SETX: variants seen among roughly 807,000 people sequenced by gnomAD.
SETX encodes senataxin, also known as helicase senataxin.
Under a neutral mutation model 227.2 loss-of-function variants are expected in SETX, and 90 were observed. The observed-to-expected ratio is 0.40, with a 90% CI of 0.33 to 0.47. The LOEUF is 0.47. Among genes scored for constraint, SETX ranks in the 20% least tolerant of loss-of-function variants. The pLI, the probability that SETX is intolerant of heterozygous loss-of-function variation, is 0.91. For missense variants in SETX, 3,052 were observed against 3,181.5 expected (o/e 0.96, Z 0.98); for synonymous variants, 1,210 against 1,113.2 (o/e 1.09, Z -1.73).
Position 132,288,332 on chromosome 9 carries a change from ATGAG to A in SETX, c.6224_6227del (p.Ser2075LeufsTer12). ...CCTTTCTTTTATGCATCGCCTGAAC[ATGAG>A]AAGGTAACTCTTTTTCTAATAAAAA... On this transcript the variant is annotated frameshift_variant, in exon 17 of 26. Transcript: ENST00000224140. LOFTEE classifies it high-confidence loss of function. 1 of 1,613,518 alleles carries A rather than the reference ATGAG, an allele frequency of 6.2e-7. No individual in the cohort carries two copies. The highest frequency in any genetic ancestry group is 8.5e-7 in the Non-Finnish European group (1 of 1,179,410).
Position 132,291,983 on chromosome 9 carries a change from TAATC to T in SETX, c.6107-3336_6107-3333del, listed in dbSNP as rs1213613010. ...TGATTTTAATTAAAATATAAACTAT[TAATC>T]AAGTGATTTAATTAAATTTAATTCC... On this transcript the variant is annotated intron_variant, in intron 15 of 25. Coordinates refer to ENST00000224140, the MANE Select transcript of SETX (RefSeq NM_015046.7). Among the ~76,000 whole-genome samples, 3 of 152,298 alleles carry T rather than the reference TAATC, an allele frequency of 2.0e-5. No individual in the cohort carries two copies. The East Asian group carries it at 5.8e-4, about 29-fold the overall frequency.
At chr9:132,273,502 A>G (rs1015899476) in intron 23 of SETX, among the ~76,000 whole-genome samples, 1 of 152,210 alleles carries the variant, frequency 6.6e-6, no homozygotes, top group Non-Finnish European at 1.5e-5. Flanking sequence ...AACGTTTTGC[A>G]GTTTTCAGCG....
intron 20 of SETX, 115 bp downstream of exon 20, chr9:132,281,352 T>C (rs1266084682): frequency 1.4e-6 from 1 of 735,978 alleles, no homozygotes; most frequent in South Asian, 1.5e-5. Context: ...TAGTTACTGC[T>C]TACTTTTCCC....
At chr9:132,305,125 C>T (rs1056403341) in intron 11 of SETX, among the ~76,000 whole-genome samples, 12 of 151,994 alleles carry the variant, frequency 7.9e-5, no homozygotes, top group East Asian at 3.9e-4. Flanking sequence ...GAGGCCGAGG[C>T]GGGCGGATCA....
At chr9:132,309,010 C>T (rs1845493468) in intron 11 of SETX, among the ~76,000 whole-genome samples, 1 of 152,068 alleles carries the variant, frequency 6.6e-6, no homozygotes, top group Non-Finnish European at 1.5e-5. Flanking sequence ...TAGTGGTGCA[C>T]ACCTGTAGTC....
rs747582934 is a variant in SETX, at chr9:132,298,202, G to C, written c.5659C>G (p.Gln1887Glu). 2 of 1,613,986 alleles carry C rather than the reference G, an allele frequency of 1.2e-6. No individual in the cohort carries two copies. The highest frequency in any genetic ancestry group is 1.7e-6 in the Non-Finnish European group (2 of 1,179,958). The change falls in exon 13 of 26, where the codon CAA becomes GAA. Residue 1887 changes from glutamine to glutamate, a missense_variant. Gln to Glu is a conservative substitution (Grantham distance 29, BLOSUM62 2). This residue lies in a region of SETX where 239 missense variants were observed against 272.1 expected (regional missense o/e 0.88). Transcript: ENST00000224140. ...AGAGACATGGCTTTCAACTTCCTTT[G>C]TGTAGTTACCAGAGAACTGATTACA... ...CIVISSLVTT[Q>E]RKLKAMSLLG...
chr9:132,288,205 C>T (rs1793684740), intron 17 of SETX, 31 bp downstream of exon 17: 1 of 1,566,922 alleles, frequency 6.4e-7, no homozygotes, highest in African/African-American at 1.3e-5. Context: ...GTTCGTATAC[C>T]TGAGTTATTA....
At chr9:132,345,468 T>A (rs1848232217) in intron 4 of SETX, among the ~76,000 whole-genome samples, 3 of 152,050 alleles carry the variant, frequency 2.0e-5, no homozygotes, top group Admixed American at 1.3e-4. Context: ...GAGACAGGGT[T>A]TCACTATGTT....
Position 132,327,376 on chromosome 9 carries a change from T to G in SETX, c.4222A>C (p.Ser1408Arg), listed in dbSNP as rs1048817192. 1 of 1,614,268 alleles carries G rather than the reference T, an allele frequency of 6.2e-7. No individual in the cohort carries two copies. The highest frequency in any genetic ancestry group is 1.7e-5 in the Admixed American group (1 of 60,032). ...CTGGTEVLAN[S>R]NRKQLIKCMP... ...CATTTTATTAACTGTTTTCTGTTAC[T>G]GTTGGCAAGTACCTCAGTTCCTCCT... is the stretch of plus-strand genomic sequence containing the variant. The change falls in exon 10 of 26, where the codon AGT becomes CGT. Residue 1408 changes from serine to arginine, a missense_variant. Coordinates refer to ENST00000224140, the MANE Select transcript of SETX (RefSeq NM_015046.7).
chr9:132,282,799 T>TG, intron 19 of SETX: 2 of 162,406 alleles, frequency 1.2e-5, no homozygotes, highest in South Asian at 3.2e-4. Context: ...TTGGGTCTCC[T>TG]GATCACTCAA....
chr9:132,284,550 G>T (rs575214339), intron 18 of SETX, among the ~76,000 whole-genome samples: 1 of 152,120 alleles, frequency 6.6e-6, no homozygotes, highest in African/African-American at 2.4e-5. Flanking sequence ...GACAATCAGG[G>T]TATACACCTG....
intron 2 of SETX, among the ~76,000 whole-genome samples, chr9:132,352,643 G>A (rs1848662186): frequency 6.6e-6 from 1 of 152,110 alleles, no homozygotes; most frequent in African/African-American, 2.4e-5. Flanking sequence ...CGCAGCTACT[G>A]GGGAGGTTGA....
Position 132,326,747 on chromosome 9 carries a change from A to G in SETX, c.4851T>C (p.Ser1617=). Residue 1617 remains serine (S), a synonymous_variant, in exon 10 of 26, where the codon TCT becomes TCC. Transcript: ENST00000224140. The part of the protein sequence containing the change: ...IAGLSKSLET[S]SALSPSLKNK... Reference sequence around the variant, plus strand: ...TTTTTAGAGACGGTGAAAGTGCTGAAGAAGTTTCCAAAGATTTAGAAAGAC... The same window carrying G: ...TTTTTAGAGACGGTGAAAGTGCTGAGGAAGTTTCCAAAGATTTAGAAAGAC... 1 of 1,614,240 alleles carries G rather than the reference A, an allele frequency of 6.2e-7. No homozygotes were observed.
chr9:132,305,041 T>C (rs972940798), intron 11 of SETX, among the ~76,000 whole-genome samples: 2 of 149,884 alleles, frequency 1.3e-5, no homozygotes, highest in African/African-American at 4.9e-5. Flanking sequence ...ATTAGCTACT[T>C]ATTTGGGGAT....
chr9:132,320,008 G>T (rs1002988257), intron 10 of SETX, among the ~76,000 whole-genome samples: 1 of 152,008 alleles, frequency 6.6e-6, no homozygotes. Flanking sequence ...TGCCACAACT[G>T]ACTGCAAAAA....
At chr9:132,355,989 GAAAAAAA>G (rs1213549776), upstream of SETX, among the ~76,000 whole-genome samples, 32 of 85,168 alleles carry the variant, frequency 3.8e-4, no homozygotes, top group East Asian at 3.4e-3. Flanking sequence ...TCTCTCTCCG[GAAAAAAA>G]AAAAAAAAAA....
Position 132,328,045 on chromosome 9 carries a change from G to A in SETX, c.3553C>T (p.Gln1185Ter). ...RPSSSVRNEG[Q>*]SDTNKRDLVG... is the part of the protein sequence containing the mutation. ...AGATCTCTCTTATTAGTATCAGACT[G>A]GCCCTCATTTCTGACAGAAGATGAA... The change falls in exon 10 of 26, where the codon CAG becomes TAG. Residue 1185 changes from glutamine (Q) to a stop codon, truncating the protein, a stop_gained. Transcript: ENST00000224140. LOFTEE classifies it high-confidence loss of function. 6.2e-7 allele frequency: 1 copy of A among 1,614,098 alleles called. No individual in the cohort carries two copies. Among genetic ancestry groups the A allele is most frequent in the Non-Finnish European group, 8.5e-7 (1 of 1,180,026 alleles).
At position 132,329,478 on chromosome 9, in the gene SETX, A is replaced by C; in HGVS notation, c.2120T>G (p.Ile707Arg). 6.2e-7 allele frequency: 1 copy of C among 1,612,448 alleles called. No individual in the cohort carries two copies. The highest frequency in any genetic ancestry group is 8.5e-7 in the Non-Finnish European group (1 of 1,179,848). The change falls in exon 10 of 26, where the codon ATA (isoleucine) becomes AGA (arginine). Residue 707 changes from isoleucine (I) to arginine (R), a missense_variant. Ile to Arg is a moderately conservative substitution (Grantham distance 97). Coordinates refer to ENST00000224140, the MANE Select transcript of SETX (RefSeq NM_015046.7). ...TACAGACTTCTGCTTCCTTGTACTT[A>C]TTTTAATTTGATCTTCAGCTCTTTC... ...FTERAEDQIK[I>R]STRKQKSVKE...
chr9:132,287,854 T>TC (rs1844014479), intron 17 of SETX, among the ~76,000 whole-genome samples: 1 of 151,972 alleles, frequency 6.6e-6, no homozygotes, highest in Admixed American at 6.6e-5. Context: ...ATCATGCCAT[T>TC]CCCCAATAAA....
Sources: gnomAD v4.1 joint callset for allele counts (sites outside exome capture counted in the v4.1 genomes callset) on GRCh38, gnomAD v4.1.1 for gene constraint, gnomAD v4.1.1 regional missense constraint, MANE v1.5 for transcripts, NCBI Gene and HGNC (gene_info 2026-07-23, HGNC 2026-07-21) for gene names.